The following HECW1 variants were observed in gnomAD, a reference collection of about 807,000 sequenced individuals.
HECW1 encodes E3 ubiquitin-protein ligase HECW1.
A neutral mutation model predicts 182.3 loss-of-function variants in HECW1; 61 were observed. The ratio of observed to expected loss-of-function variants is 0.33; its 90% CI spans 0.27 to 0.41. The LOEUF (loss-of-function observed/expected upper bound fraction) is 0.41, where lower values mean the gene tolerates loss of function less well. Among genes scored for constraint, HECW1 ranks in the 10% least tolerant of loss-of-function variants. The probability of loss-of-function intolerance (pLI) is 1.00; values close to 1 mark genes in which losing one functional copy is unlikely to be tolerated. For missense variants in HECW1, 1,739 were observed against 2,108.9 expected (o/e 0.82, Z 3.44); for synonymous variants, 859 against 832.6 (o/e 1.03, Z -0.55).
At chr7:43,462,008 CAAA>C (rs2077601493) in intron 13 of HECW1, among the ~76,000 whole-genome samples, 1 of 152,202 alleles carries the variant, frequency 6.6e-6, no homozygotes, top group African/African-American at 2.4e-5. Context: ...GATGCTCTTG[CAAA>C]TGGCTGGAGA....
At chr7:43,547,406 G>A (rs1176205504) in intron 26 of HECW1, among the ~76,000 whole-genome samples, 3 of 152,086 alleles carry the variant, frequency 2.0e-5, no homozygotes, top group African/African-American at 7.2e-5. Context: ...AATTAACCAG[G>A]TGTGGTGGCA....
At chr7:43,200,666 C>T (rs575458819) in intron 2 of HECW1, among the ~76,000 whole-genome samples, 5 of 152,214 alleles carry the variant, frequency 3.3e-5, no homozygotes, top group Non-Finnish European at 5.9e-5. Flanking sequence ...AATGTTTTGT[C>T]CCGGGCTCAT....
At chr7:43,141,904 G>A (rs373394582) in intron 2 of HECW1, among the ~76,000 whole-genome samples, 10 of 152,120 alleles carry the variant, frequency 6.6e-5, no homozygotes, top group East Asian at 3.9e-4. Context: ...TCTATGAGCC[G>A]GACACCTCAA....
chr7:43,137,341 G>T (rs935806074), intron 2 of HECW1, among the ~76,000 whole-genome samples: 1 of 152,064 alleles, frequency 6.6e-6, no homozygotes, highest in African/African-American at 2.4e-5. Flanking sequence ...CAGGTTCCAA[G>T]ACCATGATTA....
At chr7:43,536,367 C>T (rs1301446302) in intron 24 of HECW1, among the ~76,000 whole-genome samples, 1 of 152,216 alleles carries the variant, frequency 6.6e-6, no homozygotes, top group African/African-American at 2.4e-5. Context: ...AGACTCTTCC[C>T]CCTCCACTGC....
At chr7:43,117,303 TC>T (rs963532750) in intron 2 of HECW1, among the ~76,000 whole-genome samples, 2 of 152,124 alleles carry the variant, frequency 1.3e-5, no homozygotes, top group Non-Finnish European at 2.9e-5. Context: ...TCCAACAAAT[TC>T]CCCTTTCAGT....
intron 7 of HECW1, among the ~76,000 whole-genome samples, chr7:43,405,991 C>T (rs2075597538): frequency 6.6e-6 from 1 of 152,232 alleles, no homozygotes; most frequent in Non-Finnish European, 1.5e-5. Flanking sequence ...GATCACCCCC[C>T]AGTCTTGCGC....
intron 3 of HECW1, among the ~76,000 whole-genome samples, chr7:43,311,258 G>A (rs1201968291): frequency 1.3e-5 from 2 of 152,202 alleles, no homozygotes; most frequent in East Asian, 3.8e-4. Context: ...TGTAAATGGA[G>A]GAGTGACTGC....
chr7:43,469,073 G>T lies in HECW1; in HGVS notation c.3067G>T (p.Gly1023Cys). The change falls in exon 16 of 30, where the codon GGC becomes TGC. Residue 1023 changes from glycine to cysteine, a missense_variant. This residue lies in a region of HECW1 where 971 missense variants were observed against 1,029.1 expected (regional missense o/e 0.94). Transcript: ENST00000395891. ...FADTRLELPR[G>C]WEIKTDQQGK... is the part of the protein sequence containing the mutation. ...AGACACTCGGCTGGAACTGCCCCGG[G>T]GCTGGGAGATCAAAACGGACCAGCA... 1 of 1,614,136 alleles carries T rather than the reference G, an allele frequency of 6.2e-7. No homozygotes were observed. Among genetic ancestry groups the T allele is most frequent in the Non-Finnish European group, 8.5e-7 (1 of 1,180,012 alleles).
At chr7:43,215,375 C>G (rs1796353657) in intron 2 of HECW1, among the ~76,000 whole-genome samples, 2 of 152,244 alleles carry the variant, frequency 1.3e-5, no homozygotes, top group Admixed American at 6.5e-5. Flanking sequence ...GCTGACCCAG[C>G]CAGTGCTGGC....
At chr7:43,536,066 T>C (rs2081168677) in intron 24 of HECW1, among the ~76,000 whole-genome samples, 1 of 152,150 alleles carries the variant, frequency 6.6e-6, no homozygotes. Context: ...GTGCTCTTCA[T>C]CTGAAGGAAA....
At chr7:43,555,546 G>A (rs531291922) in intron 29 of HECW1, among the ~76,000 whole-genome samples, 8 of 152,336 alleles carry the variant, frequency 5.3e-5, no homozygotes, top group East Asian at 1.9e-4. Flanking sequence ...AATAGGATAC[G>A]TTCGAATTAT....
intron 8 of HECW1, among the ~76,000 whole-genome samples, chr7:43,433,355 TCAC>T (rs2152867341): frequency 6.6e-6 from 1 of 152,236 alleles, no homozygotes; most frequent in African/African-American, 2.4e-5. Context: ...CACAGTGGAG[TCAC>T]CTGATAAGCT....
chr7:43,259,525 G>T (rs2097842), intron 3 of HECW1, among the ~76,000 whole-genome samples: 4 of 152,136 alleles, frequency 2.6e-5, no homozygotes, highest in Admixed American at 2.6e-4. Flanking sequence ...AACTAGCAGA[G>T]AAAGACTTTA....
At chr7:43,556,897 T>TTC (rs2082045553) in intron 29 of HECW1, among the ~76,000 whole-genome samples, 1 of 152,038 alleles carries the variant, frequency 6.6e-6, no homozygotes, top group African/African-American at 2.4e-5. Context: ...TATGAACACG[T>TTC]TCTTCATATC....
chr7:43,523,540 C>T (rs1563088018), intron 24 of HECW1, among the ~76,000 whole-genome samples: 1 of 152,056 alleles, frequency 6.6e-6, no homozygotes, highest in East Asian at 1.9e-4. Flanking sequence ...AGAGTCAGCC[C>T]CAGCAGGAGA....
At chr7:43,454,974 AG>A (rs774856782) in intron 12 of HECW1, among the ~76,000 whole-genome samples, 100 of 152,286 alleles carry the variant, frequency 6.6e-4, no homozygotes, top group Non-Finnish European at 1.4e-3. Context: ...GGACTCTAAA[AG>A]CTTTGCCCAT....
intron 13 of HECW1, among the ~76,000 whole-genome samples, chr7:43,456,871 A>C (rs1001815535): frequency 6.6e-6 from 1 of 152,228 alleles, no homozygotes; most frequent in African/African-American, 2.4e-5. Context: ...TAGAGACCTC[A>C]GTTAAACACA....
chr7:43,530,341 T>C (rs866637109), intron 24 of HECW1, among the ~76,000 whole-genome samples: 94 of 152,002 alleles, frequency 6.2e-4, no homozygotes, highest in African/African-American at 2.1e-3. Context: ...TGACATGCCA[T>C]TGTCACCTAG....
Sources: gnomAD v4.1 joint callset for allele counts (sites outside exome capture counted in the v4.1 genomes callset) on GRCh38, gnomAD v4.1.1 for gene constraint, gnomAD v4.1.1 regional missense constraint, MANE v1.5 for transcripts, NCBI Gene and HGNC (gene_info 2026-07-23, HGNC 2026-07-21) for gene names.